NLN: variants seen among roughly 807,000 people sequenced by gnomAD.
NLN encodes neurolysin, mitochondrial.
A neutral mutation model predicts 79.9 loss-of-function variants in NLN; 64 were observed. That is an observed-to-expected ratio of 0.80 (90% CI 0.65 to 0.99). The LOEUF (loss-of-function observed/expected upper bound fraction) is 0.99. Among genes scored for constraint, NLN ranks in the 50% least tolerant of loss-of-function variants. The pLI, the probability that NLN is intolerant of heterozygous loss-of-function variation, is 0.00. For synonymous variants in NLN, 267 were observed against 296.6 expected, an observed-to-expected ratio of 0.90 and a Z score of 1.02; for missense variants, 835 against 858.7, an observed-to-expected ratio of 0.97 and a Z score of 0.34.
At chr5:65,802,073 G>T (rs1463351340) in intron 9 of NLN, among the ~76,000 whole-genome samples, 3 of 152,226 alleles carry the variant, frequency 2.0e-5, no homozygotes, top group Non-Finnish European at 4.4e-5. Flanking sequence ...AGTGTCACGG[G>T]ATCCTTGGGG....
chr5:65,793,994 C>T (rs751533098), intron 9 of NLN, among the ~76,000 whole-genome samples: 3 of 152,206 alleles, frequency 2.0e-5, no homozygotes, highest in East Asian at 1.9e-4. Context: ...TAAATCCATA[C>T]GGTGTCCTCA....
intron 1 of NLN, among the ~76,000 whole-genome samples, chr5:65,736,710 A>G (rs1415907165): frequency 6.6e-6 from 1 of 152,156 alleles, no homozygotes; most frequent in Non-Finnish European, 1.5e-5. Flanking sequence ...GTGCCTGTTT[A>G]TGTCTTTTGC....
At chr5:65,793,896 A>C (rs965830635) in intron 9 of NLN, among the ~76,000 whole-genome samples, 1 of 152,240 alleles carries the variant, frequency 6.6e-6, no homozygotes, top group Admixed American at 6.5e-5. Context: ...CTAAGAAGCC[A>C]GCATTGATAC....
rs1760850761 is a variant in NLN, at chr5:65,823,676, CT to C, written c.*765del. ...CACCTCAGCATACAAGATCGTTAGT[CT>C]TTTGGCATGTGTGCCAATTAGAATA... On this transcript the variant is annotated 3_prime_UTR_variant, in exon 13 of 13. Coordinates refer to ENST00000380985, the MANE Select transcript of NLN (RefSeq NM_020726.5). 6.6e-6 allele frequency: 1 copy of C among 152,098 alleles called. No homozygotes were observed. Among genetic ancestry groups the C allele is most frequent in the Non-Finnish European group, 1.5e-5 (1 of 68,038 alleles). 9.4% of individuals were successfully genotyped at this position (152,098 alleles called of 1,614,324 possible). A position where few individuals can be genotyped will look rare whatever the true frequency, so the allele number is the denominator to read the frequency against.
chr5:65,802,510 G>A (rs1760308343), intron 9 of NLN, among the ~76,000 whole-genome samples: 1 of 152,212 alleles, frequency 6.6e-6, no homozygotes. Flanking sequence ...GTTCCCTGAA[G>A]GGCCACAACT....
chr5:65,771,520 A>G (rs1384507956), intron 3 of NLN, among the ~76,000 whole-genome samples: 2 of 152,218 alleles, frequency 1.3e-5, no homozygotes, highest in African/African-American at 2.4e-5. Context: ...ACAGTGATCT[A>G]TTGTAATATT....
chr5:65,752,237 CAA>C (rs35535658), intron 1 of NLN, among the ~76,000 whole-genome samples: 19 of 142,074 alleles, frequency 1.3e-4, no homozygotes, highest in Non-Finnish European at 1.1e-4. Context: ...GACCCTGTTT[CAA>C]AAAAAAAAAA....
intron 9 of NLN, among the ~76,000 whole-genome samples, chr5:65,796,070 G>A (rs539572237): frequency 7.5e-4 from 114 of 152,142 alleles, no homozygotes; most frequent in African/African-American, 2.7e-3. Flanking sequence ...CAGACCCCTC[G>A]AAGCCCTCAC....
intron 9 of NLN, among the ~76,000 whole-genome samples, chr5:65,804,290 G>A (rs1430805060): frequency 2.0e-5 from 3 of 152,178 alleles, no homozygotes; most frequent in Non-Finnish European, 4.4e-5. Flanking sequence ...CAAAAAGGGA[G>A]ATAATAGTTA....
At chr5:65,727,663 G>A (rs1345237263) in intron 1 of NLN, among the ~76,000 whole-genome samples, 1 of 152,132 alleles carries the variant, frequency 6.6e-6, no homozygotes, top group Non-Finnish European at 1.5e-5. Context: ...TGAGTGACAT[G>A]GTCAAAGAAA....
chr5:65,804,246 T>C (rs114438702), intron 9 of NLN, among the ~76,000 whole-genome samples: 6 of 152,348 alleles, frequency 3.9e-5, no homozygotes, highest in African/African-American at 1.4e-4. Context: ...TGAAGTTACA[T>C]CATTAATCTC....
rs888932324 is a variant in NLN, at chr5:65,722,371, C to T, written c.-3C>T. 2.5e-6 allele frequency: 4 copies of T among 1,581,300 alleles called. No individual in the cohort carries two copies. Among genetic ancestry groups the T allele is most frequent in the Non-Finnish European group, 3.4e-6 (4 of 1,166,210 alleles). ...CCGCCGCCGCCAGCCTCTCAGCGCT[C>T]CCATGATCGCCCGGTGCCTTTTGGC... is the stretch of plus-strand genomic sequence containing the variant. On this transcript the variant is annotated 5_prime_UTR_variant, in exon 1 of 13. Transcript: ENST00000380985.
intron 1 of NLN, among the ~76,000 whole-genome samples, chr5:65,752,708 C>T (rs1162718050): frequency 1.3e-5 from 2 of 152,052 alleles, no homozygotes; most frequent in African/African-American, 2.4e-5. Flanking sequence ...GGATGCTCCG[C>T]AAAATGAAGA....
chr5:65,777,507 G>C lies in NLN; in HGVS notation c.531G>C (p.Gly177=). ...EKSIKMGKRN[G]LHLPEQVQNE... Reference sequence around the variant, plus strand: ...CAATTAAAATGGGGAAAAGAAATGGGCTCCATCTTCCTGAACAAGTACAGA... The same window carrying C: ...CAATTAAAATGGGGAAAAGAAATGGCCTCCATCTTCCTGAACAAGTACAGA... The change falls in exon 4 of 13, where the codon GGG becomes GGC. Residue 177 remains glycine, a synonymous_variant. Coordinates refer to ENST00000380985, the MANE Select transcript of NLN (RefSeq NM_020726.5). 6.2e-7 allele frequency: 1 copy of C among 1,609,030 alleles called. No individual in the cohort carries two copies. Among genetic ancestry groups the C allele is most frequent in the Non-Finnish European group, 8.5e-7 (1 of 1,175,582 alleles).
intron 7 of NLN, 91 bp from the exon 8 acceptor site, chr5:65,788,027 G>C: frequency 1.6e-6 from 2 of 1,280,250 alleles, no homozygotes; most frequent in South Asian, 1.4e-5. Flanking sequence ...TACTGCAAAG[G>C]AGGAAGCACC....
chr5:65,819,210 G>T (rs1760740295), intron 12 of NLN, among the ~76,000 whole-genome samples: 2 of 152,178 alleles, frequency 1.3e-5, no homozygotes, highest in African/African-American at 2.4e-5. Flanking sequence ...TCCCTGAACT[G>T]TATATAAGTA....
At chr5:65,761,052 A>G (rs965890006) in intron 2 of NLN, among the ~76,000 whole-genome samples, 6 of 151,882 alleles carry the variant, frequency 4.0e-5, no homozygotes, top group African/African-American at 1.5e-4. Flanking sequence ...AGCTGTTGAA[A>G]CCTTGTTTGT....
At chr5:65,731,452 T>G (rs1758605724) in intron 1 of NLN, among the ~76,000 whole-genome samples, 1 of 152,178 alleles carries the variant, frequency 6.6e-6, no homozygotes, top group African/African-American at 2.4e-5. Flanking sequence ...CGAGAAATAT[T>G]AGTTACTGTT....
chr5:65,752,137 T>C (rs813066), intron 1 of NLN, among the ~76,000 whole-genome samples: 70,353 of 151,632 alleles, frequency 0.46, 16,901 homozygotes, highest in Non-Finnish European at 0.53. Flanking sequence ...ACTTGGAAGG[T>C]TCAGGTAAGA....
Sources: gnomAD v4.1 joint callset for allele counts (sites outside exome capture counted in the v4.1 genomes callset) on GRCh38, gnomAD v4.1.1 for gene constraint, MANE v1.5 for transcripts, NCBI Gene and HGNC (gene_info 2026-07-23, HGNC 2026-07-21) for gene names.